RNF24: variants seen among roughly 807,000 people sequenced by gnomAD.
RNF24 encodes the protein ring finger protein 24.
A neutral mutation model predicts 20.0 loss-of-function variants in RNF24; 14 were observed. That is an observed-to-expected ratio of 0.70 (90% CI 0.46 to 1.10). The LOEUF (loss-of-function observed/expected upper bound fraction) is 1.10. Among genes scored for constraint, RNF24 ranks in the 50% least tolerant of loss-of-function variants. RNF24 has a pLI of 0.00. For synonymous variants in RNF24, 45 were observed against 61.1 expected (o/e 0.74, Z 1.23); for missense variants, 124 against 177.6 (o/e 0.70, Z 1.71).
intron 1 of RNF24, among the ~76,000 whole-genome samples, chr20:4,009,764 T>C (rs189516921): frequency 6.6e-6 from 1 of 152,254 alleles, no homozygotes; most frequent in East Asian, 1.9e-4. Context: ...GAAGTTCTCT[T>C]GTAATATCCA....
At chr20:3,972,387 C>A (rs562708494) in intron 1 of RNF24, among the ~76,000 whole-genome samples, 11 of 152,206 alleles carry the variant, frequency 7.2e-5, no homozygotes, top group African/African-American at 2.4e-4. Context: ...CAGGACAGAC[C>A]ACATTCCTGG....
rs2090838822 is a variant in RNF24 at position 3,932,684 on chromosome 20, G to A, written c.*1379C>T. ...TTCCCCCACTCACACCTGTGGGATG[G>A]AGTGGAGCAAAGCAGTTGACGAGGA... On this transcript the variant is annotated 3_prime_UTR_variant, in exon 6 of 6. Coordinates refer to ENST00000358395, the MANE Select transcript of RNF24 (RefSeq NM_001134337.3). 1 of 380,854 alleles carries A rather than the reference G, an allele frequency of 2.6e-6. No homozygotes were observed. Among genetic ancestry groups the A allele is most frequent in the East Asian group, 3.8e-5 (1 of 26,626 alleles). The allele number at this position is 380,854 out of a possible 1,614,324, so 23.6% of individuals were successfully genotyped here.
At chr20:3,982,219 C>T (rs1229099101) in intron 1 of RNF24, among the ~76,000 whole-genome samples, 2 of 151,508 alleles carry the variant, frequency 1.3e-5, no homozygotes, top group Admixed American at 1.3e-4. Flanking sequence ...ATGGGTCTTG[C>T]TATGGTTTGA....
At chr20:3,965,660 C>T (rs755233116) in intron 1 of RNF24, among the ~76,000 whole-genome samples, 5 of 152,174 alleles carry the variant, frequency 3.3e-5, no homozygotes, top group Non-Finnish European at 5.9e-5. Flanking sequence ...ATAGCACATA[C>T]GCTGTGGAGC....
intron 1 of RNF24, among the ~76,000 whole-genome samples, chr20:4,003,637 T>TTA (rs1296947323): frequency 1.6e-5 from 1 of 60,960 alleles, no homozygotes; most frequent in East Asian, 3.2e-4. Context: ...AAACTCCTTT[T>TTA]TTTTTTTTTT....
chr20:3,967,853 C>T (rs932523117), intron 1 of RNF24, among the ~76,000 whole-genome samples: 1 of 149,584 alleles, frequency 6.7e-6, no homozygotes, highest in South Asian at 2.1e-4. Flanking sequence ...ATTAGCTGAG[C>T]GTGGTGACGC....
At chr20:3,951,221 T>G (rs1333958869) in intron 2 of RNF24, among the ~76,000 whole-genome samples, 1 of 152,226 alleles carries the variant, frequency 6.6e-6, no homozygotes, top group African/African-American at 2.4e-5. Context: ...CCTCCCAAAG[T>G]GCTGGGATTA....
At chr20:3,952,190 T>C (rs1283915102) in intron 2 of RNF24, among the ~76,000 whole-genome samples, 2 of 151,738 alleles carry the variant, frequency 1.3e-5, no homozygotes, top group African/African-American at 4.8e-5. Flanking sequence ...TGAGTAAGAA[T>C]GTACAAAATT....
chr20:3,997,660 A>C (rs1486247605), intron 1 of RNF24, among the ~76,000 whole-genome samples: 6 of 152,108 alleles, frequency 3.9e-5, no homozygotes, highest in Admixed American at 3.9e-4. Flanking sequence ...CCCTGGGCTC[A>C]AGTGATCTTC....
intron 1 of RNF24, among the ~76,000 whole-genome samples, chr20:4,005,755 T>C (rs1461855678): frequency 6.6e-6 from 1 of 152,062 alleles, no homozygotes; most frequent in African/African-American, 2.4e-5. Context: ...AAGATGAACT[T>C]AATAAACTTA....
At chr20:3,984,797 C>A (rs1205209891) in intron 1 of RNF24, among the ~76,000 whole-genome samples, 9 of 146,148 alleles carry the variant, frequency 6.2e-5, no homozygotes, top group Non-Finnish European at 1.4e-4. Flanking sequence ...TTCTTTCAAG[C>A]TTTTTTTTTT....
chr20:4,002,620 G>C (rs2122126235), intron 1 of RNF24, among the ~76,000 whole-genome samples: 1 of 152,128 alleles, frequency 6.6e-6, no homozygotes, highest in African/African-American at 2.4e-5. Flanking sequence ...AAAACAAAAG[G>C]ATCAATGAAA....
intron 4 of RNF24, among the ~76,000 whole-genome samples, chr20:3,935,359 G>A (rs541625733): frequency 6.6e-6 from 1 of 152,302 alleles, no homozygotes; most frequent in South Asian, 2.1e-4. Flanking sequence ...GTGGGACCGA[G>A]GGAGGGTTAC....
rs182887326 is a variant in RNF24, at chr20:3,987,352, G to T, written c.-7-23328C>A. ...TCTCAACATGAAATAAACTCTAGGG[G>T]TAATACCATAACTACTTAATTTTAG... On this transcript the variant is annotated intron_variant, in intron 1 of 5. Transcript: ENST00000358395. Among the ~76,000 whole-genome samples the T allele has an allele frequency of 5.9e-3, 899 of 152,216 alleles. 10 individuals are homozygous for T. The highest frequency in any genetic ancestry group is 0.021 in the African/African-American group (858 of 41,544).
Position 3,932,661 on chromosome 20 carries a change from C to T in RNF24, c.*1402G>A, listed in dbSNP as rs1014788910. On this transcript the variant is annotated 3_prime_UTR_variant, in exon 6 of 6. Coordinates refer to ENST00000358395, the MANE Select transcript of RNF24 (RefSeq NM_001134337.3). ...AGACTGTATTCCTAATGAAAAACTT[C>T]CCCCACTCACACCTGTGGGATGGAG... The T allele has an allele frequency of 1.4e-5, 5 of 357,868 alleles. No individual in the cohort carries two copies. The highest frequency in any genetic ancestry group is 2.0e-5 in the Non-Finnish European group (4 of 201,158). The allele number at this position is 357,868 out of a possible 1,614,324, so 22.2% of individuals were successfully genotyped here.
chr20:4,013,152 A>T (rs1273648502), intron 1 of RNF24, among the ~76,000 whole-genome samples: 7 of 151,576 alleles, frequency 4.6e-5, no homozygotes, highest in Non-Finnish European at 4.4e-5. Context: ...ACTTTCATTA[A>T]TTTTTTTTTA....
intron 1 of RNF24, among the ~76,000 whole-genome samples, chr20:4,006,115 A>G (rs1981848328): frequency 6.6e-6 from 1 of 152,194 alleles, no homozygotes; most frequent in Non-Finnish European, 1.5e-5. Context: ...GGTGGCTCAC[A>G]TTTGTAATCC....
chr20:3,967,346 C>T (rs554778152), intron 1 of RNF24, among the ~76,000 whole-genome samples: 30 of 152,180 alleles, frequency 2.0e-4, no homozygotes, highest in East Asian at 1.3e-3. Context: ...ACTTCATTCA[C>T]GTGAAAGCCT....
intron 1 of RNF24, among the ~76,000 whole-genome samples, chr20:3,983,960 A>C (rs559645347): frequency 4.0e-5 from 6 of 151,046 alleles, no homozygotes; most frequent in Non-Finnish European, 7.4e-5. Flanking sequence ...AAAAAAAAAA[A>C]AAAAACAAGT....
Sources: gnomAD v4.1 joint callset for allele counts (sites outside exome capture counted in the v4.1 genomes callset) on GRCh38, gnomAD v4.1.1 for gene constraint, MANE v1.5 for transcripts, NCBI Gene and HGNC (gene_info 2026-07-23, HGNC 2026-07-21) for gene names.